RBKS: variants seen among roughly 807,000 people sequenced by gnomAD.
The protein encoded by RBKS is ribokinase.
A neutral mutation model predicts 33.9 loss-of-function variants in RBKS; 33 were observed. That is an observed-to-expected ratio of 0.97 (90% CI 0.74 to 1.30). The LOEUF is 1.30. Ranked by LOEUF, RBKS falls within the 50% of genes most tolerant of loss-of-function variation. RBKS has a pLI of 0.00. For synonymous variants in RBKS, 125 were observed against 143.0 expected, an observed-to-expected ratio of 0.87 and a Z score of 0.90; for missense variants, 361 against 392.6, an observed-to-expected ratio of 0.92 and a Z score of 0.68.
Position 27,799,334 on chromosome 2 carries a change from A to G in RBKS, c.796-17546T>C, listed in dbSNP as rs191543411. ...AAGAATGACGTCACTACCAAGCTTCACTTGTTAGGAATCCGTACCCACGCT... is the reference window on the plus strand; with the variant it reads ...AAGAATGACGTCACTACCAAGCTTCGCTTGTTAGGAATCCGTACCCACGCT... On this transcript the variant is annotated intron_variant, in intron 7 of 7. Transcript: ENST00000302188. Among the ~76,000 whole-genome samples the G allele has an allele frequency of 2.2e-4, 34 of 152,270 alleles. 1 individual carries two copies. The highest frequency in any genetic ancestry group is 2.0e-3 in the Admixed American group (30 of 15,296).
intron 7 of RBKS, among the ~76,000 whole-genome samples, chr2:27,797,890 G>C (rs1375752604): frequency 6.6e-6 from 1 of 152,190 alleles, no homozygotes; most frequent in African/African-American, 2.4e-5. Flanking sequence ...GAACGGCGTA[G>C]AAGAGTTGAA....
At chr2:27,833,744 T>C (rs1452178636) in intron 5 of RBKS, among the ~76,000 whole-genome samples, 1 of 152,212 alleles carries the variant, frequency 6.6e-6, no homozygotes, top group Non-Finnish European at 1.5e-5. Flanking sequence ...GTTTGGGACT[T>C]CGTAAATGTA....
chr2:27,885,399 C>A (rs568312964), intron 1 of RBKS, among the ~76,000 whole-genome samples: 10 of 152,282 alleles, frequency 6.6e-5, no homozygotes, highest in African/African-American at 2.4e-4. Flanking sequence ...CACTCCCCTG[C>A]TCAAATCCTC....
At chr2:27,812,596 C>G (rs1183930806) in intron 7 of RBKS, among the ~76,000 whole-genome samples, 1 of 152,146 alleles carries the variant, frequency 6.6e-6, no homozygotes, top group East Asian at 1.9e-4. Context: ...TCTCAGCAAA[C>G]TATCGCAAGG....
intron 1 of RBKS, among the ~76,000 whole-genome samples, chr2:27,871,044 C>T (rs1664200622): frequency 6.6e-6 from 1 of 152,160 alleles, no homozygotes; most frequent in Admixed American, 6.5e-5. Flanking sequence ...AGTTATGGTG[C>T]CAGCTGAATG....
intron 7 of RBKS, among the ~76,000 whole-genome samples, chr2:27,825,114 G>C (rs567971015): frequency 3.3e-5 from 5 of 151,030 alleles, no homozygotes; most frequent in African/African-American, 1.2e-4. Flanking sequence ...TCCAGCCTAG[G>C]CAACAGAGTG....
chr2:27,789,973 G>GTATATGTGTATA, intron 7 of RBKS, among the ~76,000 whole-genome samples: 1 of 85,254 alleles, frequency 1.2e-5, no homozygotes, highest in East Asian at 5.3e-4. Flanking sequence ...ATATATATAT[G>GTATATGTGTATA]TATATATATA....
At chr2:27,864,032 C>CT (rs75297605) in intron 1 of RBKS, among the ~76,000 whole-genome samples, 16 of 149,352 alleles carry the variant, frequency 1.1e-4, no homozygotes, top group South Asian at 2.1e-4. Flanking sequence ...TAACCCATAT[C>CT]TTTTTTTTTT....
intron 7 of RBKS, among the ~76,000 whole-genome samples, chr2:27,818,612 AC>A (rs1169279288): frequency 1.3e-5 from 2 of 152,116 alleles, no homozygotes; most frequent in East Asian, 3.9e-4. Flanking sequence ...ACAGTCAAAA[AC>A]CCATCCTGCA....
At chr2:27,861,117 G>A (rs1309508498) in intron 1 of RBKS, among the ~76,000 whole-genome samples, 4 of 152,092 alleles carry the variant, frequency 2.6e-5, no homozygotes, top group Non-Finnish European at 2.9e-5. Flanking sequence ...ACAGGGGTGC[G>A]CCACCAGGCA....
chr2:27,789,121 C>T (rs1308710210), intron 7 of RBKS, among the ~76,000 whole-genome samples: 2 of 152,174 alleles, frequency 1.3e-5, no homozygotes, highest in East Asian at 1.9e-4. Context: ...AGGATAGACA[C>T]GTAGCTCACT....
chr2:27,803,836 C>G (rs1677846315), intron 7 of RBKS, among the ~76,000 whole-genome samples: 1 of 152,114 alleles, frequency 6.6e-6, no homozygotes, highest in African/African-American at 2.4e-5. Context: ...CACTTGAGGT[C>G]AGGAGTTTGA....
At chr2:27,836,616 G>C (rs1327459206) in intron 5 of RBKS, among the ~76,000 whole-genome samples, 4 of 152,088 alleles carry the variant, frequency 2.6e-5, no homozygotes, top group African/African-American at 7.2e-5. Flanking sequence ...GTCCCCCAAA[G>C]CAACTGTAAC....
At chr2:27,845,388 T>A (rs1663602293) in intron 4 of RBKS, among the ~76,000 whole-genome samples, 1 of 152,186 alleles carries the variant, frequency 6.6e-6, no homozygotes, top group Non-Finnish European at 1.5e-5. Context: ...CCACCTATAG[T>A]CTTGAGGGCA....
At chr2:27,804,089 T>C (rs897576332) in intron 7 of RBKS, among the ~76,000 whole-genome samples, 1 of 152,228 alleles carries the variant, frequency 6.6e-6, no homozygotes, top group Non-Finnish European at 1.5e-5. Context: ...CACTTTCATA[T>C]GAATCAAGTC....
chr2:27,829,070 T>C (rs1678372895), intron 6 of RBKS, among the ~76,000 whole-genome samples: 1 of 152,106 alleles, frequency 6.6e-6, no homozygotes. Context: ...CTTTTATTTT[T>C]GTAGAGACAG....
intron 7 of RBKS, among the ~76,000 whole-genome samples, chr2:27,804,672 T>C (rs1677862130): frequency 6.6e-6 from 1 of 152,192 alleles, no homozygotes; most frequent in Non-Finnish European, 1.5e-5. Flanking sequence ...AGGTTTAGCT[T>C]CCTTCCTGGC....
chr2:27,794,764 C>T (rs773705513), intron 7 of RBKS, among the ~76,000 whole-genome samples: 4 of 151,976 alleles, frequency 2.6e-5, no homozygotes, highest in African/African-American at 4.8e-5. Flanking sequence ...GCTGGGATTA[C>T]AAGCGTGTGT....
chr2:27,798,678 A>C (rs1457222667), intron 7 of RBKS, among the ~76,000 whole-genome samples: 1 of 151,896 alleles, frequency 6.6e-6, no homozygotes, highest in East Asian at 1.9e-4. Context: ...CGTGGCATCA[A>C]CTTCTTAACA....
Sources: gnomAD v4.1 joint callset for allele counts (sites outside exome capture counted in the v4.1 genomes callset) on GRCh38, gnomAD v4.1.1 for gene constraint, MANE v1.5 for transcripts, NCBI Gene and HGNC (gene_info 2026-07-23, HGNC 2026-07-21) for gene names.